The following RALYL variants were observed in gnomAD, a reference collection of about 807,000 sequenced individuals.
RALYL encodes the protein RNA-binding Raly-like protein.
In RALYL, 29 loss-of-function variants were observed where a neutral mutation model predicts 35.1. The ratio of observed to expected loss-of-function variants is 0.83; its 90% CI spans 0.61 to 1.13. The LOEUF is 1.13. Ranked by LOEUF, RALYL falls within the 50% of genes most tolerant of loss-of-function variation. RALYL has a pLI of 0.00. For synonymous variants in RALYL, 120 were observed against 127.6 expected (o/e 0.94, Z 0.40); for missense variants, 359 against 360.4 (o/e 1.00, Z 0.03).
At chr8:84,239,101 C>A (rs1308488551) in intron 1 of RALYL, among the ~76,000 whole-genome samples, 1 of 152,146 alleles carries the variant, frequency 6.6e-6, no homozygotes, top group Non-Finnish European at 1.5e-5. Context: ...TGGCTTGAGG[C>A]TACATAACCA....
chr8:84,347,615 C>T (rs1403493393), intron 1 of RALYL, among the ~76,000 whole-genome samples: 1 of 152,034 alleles, frequency 6.6e-6, no homozygotes. Context: ...TAGTTTTGCC[C>T]ATTGCTTCAC....
At chr8:84,375,342 A>C (rs1856701990) in intron 1 of RALYL, among the ~76,000 whole-genome samples, 1 of 151,826 alleles carries the variant, frequency 6.6e-6, no homozygotes, top group African/African-American at 2.4e-5. Flanking sequence ...CAAGTCCCTA[A>C]AGAACCATAT....
intron 2 of RALYL, among the ~76,000 whole-genome samples, chr8:84,641,788 TA>T (rs59556525): frequency 0.012 from 1,444 of 119,212 alleles, 9 homozygotes; most frequent in African/African-American, 0.028. Context: ...GTCTTATTTG[TA>T]AAAAAAAAAA....
In RALYL at chr8:84,921,077, T is replaced by TAAA. The variant is rs1563872692; in HGVS notation, c.*166_*167insAAA. On this transcript the variant is annotated 3_prime_UTR_variant, in exon 9 of 9. Coordinates refer to ENST00000521268, the MANE Select transcript of RALYL (RefSeq NM_173848.7). ...TGCTCAGTTTTAGAAATTCCATTTCTTCTATGTTTTAAGCTGTACAATTGT... is the reference window on the plus strand; with the variant it reads ...TGCTCAGTTTTAGAAATTCCATTTCTAAATCTATGTTTTAAGCTGTACAATTGT... 2.0e-4 allele frequency: 88 copies of TAAA among 432,828 alleles called. No individual in the cohort carries two copies. Among genetic ancestry groups the TAAA allele is most frequent in the Middle Eastern group, 3.7e-4 (1 of 2,688 alleles). 26.8% of individuals were successfully genotyped at this position (432,828 alleles called of 1,614,324 possible). A position where few individuals can be genotyped will look rare whatever the true frequency, so the allele number is the denominator to read the frequency against.
At chr8:84,901,795 T>G (rs943631170) in intron 8 of RALYL, among the ~76,000 whole-genome samples, 1 of 152,132 alleles carries the variant, frequency 6.6e-6, no homozygotes, top group Non-Finnish European at 1.5e-5. Flanking sequence ...GAGACTCTTA[T>G]TTGATTAATA....
At chr8:84,743,598 A>G (rs1351931081) in intron 2 of RALYL, among the ~76,000 whole-genome samples, 1 of 152,088 alleles carries the variant, frequency 6.6e-6, no homozygotes, top group Non-Finnish European at 1.5e-5. Flanking sequence ...GAAAAGGCTG[A>G]AAAGTAACTG....
At chr8:84,904,609 A>T (rs1444129078) in intron 8 of RALYL, among the ~76,000 whole-genome samples, 1 of 151,646 alleles carries the variant, frequency 6.6e-6, no homozygotes, top group Non-Finnish European at 1.5e-5. Flanking sequence ...ACTCATGAGA[A>T]AGAAATAGTT....
chr8:84,574,250 A>C (rs959000801), intron 2 of RALYL, among the ~76,000 whole-genome samples: 1 of 152,048 alleles, frequency 6.6e-6, no homozygotes, highest in African/African-American at 2.4e-5. Context: ...TGGTTGTTCA[A>C]AAAAGTCTTA....
At chr8:84,248,221 C>T (rs559087574) in intron 1 of RALYL, among the ~76,000 whole-genome samples, 1 of 152,204 alleles carries the variant, frequency 6.6e-6, no homozygotes, top group East Asian at 1.9e-4. Context: ...TGAGATATCT[C>T]TTTAGGATGC....
chr8:84,895,509 T>G (rs1204402853), intron 8 of RALYL, among the ~76,000 whole-genome samples: 2 of 152,022 alleles, frequency 1.3e-5, no homozygotes, highest in East Asian at 3.9e-4. Flanking sequence ...CTGGTTTGTG[T>G]GTTTGTTTGT....
chr8:84,879,629 A>G (rs1405204551), intron 7 of RALYL, among the ~76,000 whole-genome samples: 4 of 152,120 alleles, frequency 2.6e-5, no homozygotes. Context: ...TAAAAGATTC[A>G]GCCAAGTGAG....
At chr8:84,689,874 A>T (rs2132129316) in intron 2 of RALYL, among the ~76,000 whole-genome samples, 1 of 152,258 alleles carries the variant, frequency 6.6e-6, no homozygotes, top group Non-Finnish European at 1.5e-5. Flanking sequence ...GACTATTTTC[A>T]AAAAGACAAA....
intron 1 of RALYL, among the ~76,000 whole-genome samples, chr8:84,222,735 G>A (rs1405411853): frequency 6.6e-6 from 1 of 152,092 alleles, no homozygotes; most frequent in Non-Finnish European, 1.5e-5. Context: ...AGACCTTAAG[G>A]ATTTGTGTAC....
chr8:84,361,591 TG>T (rs1383171198), intron 1 of RALYL, among the ~76,000 whole-genome samples: 1 of 152,198 alleles, frequency 6.6e-6, no homozygotes. Flanking sequence ...CTGAAGTTTT[TG>T]TTTTTAATCT....
chr8:84,721,077 T>C (rs1843811800), intron 2 of RALYL, among the ~76,000 whole-genome samples: 1 of 151,736 alleles, frequency 6.6e-6, no homozygotes, highest in Non-Finnish European at 1.5e-5. Context: ...CTTTTGAGAC[T>C]AAAAATAAGA....
At position 84,357,041 on chromosome 8, in the gene RALYL, C is replaced by T. The variant is rs146372133; in HGVS notation, c.-23-172258C>T. On this transcript the variant is annotated intron_variant, in intron 1 of 8. Transcript: ENST00000521268. ...GCTTTCTCTAAAATACTGGACAACT[C>T]TTGGTAACATTCCGATTAAGACAAT... 3.6e-3 allele frequency among the ~76,000 whole-genome samples: 544 copies of T among 152,164 alleles called. 2 individuals carry two copies. Among genetic ancestry groups the T allele is most frequent in the African/African-American group, 0.012 (517 of 41,536 alleles).
At chr8:84,213,406 A>G (rs1035642166) in intron 1 of RALYL, among the ~76,000 whole-genome samples, 3 of 152,208 alleles carry the variant, frequency 2.0e-5, no homozygotes, top group African/African-American at 7.2e-5. Flanking sequence ...AACAACAACA[A>G]ATAAATGAAT....
intron 1 of RALYL, among the ~76,000 whole-genome samples, chr8:84,320,225 G>A (rs190401610): frequency 6.6e-5 from 10 of 152,030 alleles, no homozygotes; most frequent in Admixed American, 2.6e-4. Context: ...CCATTGTTCT[G>A]TGTTGTCTGC....
At chr8:84,437,822 A>T in intron 1 of RALYL, among the ~76,000 whole-genome samples, 1 of 152,122 alleles carries the variant, frequency 6.6e-6, no homozygotes, top group Non-Finnish European at 1.5e-5. Flanking sequence ...ACCTGCTTTC[A>T]TCATGTGATG....
Sources: gnomAD v4.1 joint callset for allele counts (sites outside exome capture counted in the v4.1 genomes callset) on GRCh38, gnomAD v4.1.1 for gene constraint, MANE v1.5 for transcripts, NCBI Gene and HGNC (gene_info 2026-07-23, HGNC 2026-07-21) for gene names.